Variants in TAOK1 observed in about 807,000 individuals in gnomAD.
The protein encoded by TAOK1 is TAO kinase 1, also known as serine/threonine-protein kinase TAO1.
In TAOK1, 21 loss-of-function variants were observed where a neutral mutation model predicts 138.3. The ratio of observed to expected loss-of-function variants is 0.15; its 90% CI spans 0.11 to 0.22. The LOEUF is 0.22. Ranked by LOEUF, TAOK1 falls within the 10% of genes least tolerant of loss-of-function variation. The probability of loss-of-function intolerance (pLI) is 1.00; values close to 1 mark genes in which losing one functional copy is unlikely to be tolerated. For missense variants in TAOK1, 651 were observed against 1,227.7 expected, an observed-to-expected ratio of 0.53 and a Z score of 7.02; for synonymous variants, 361 against 398.4, an observed-to-expected ratio of 0.91 and a Z score of 1.12.
intron 18 of TAOK1, 78 bp downstream of exon 18, chr17:29,530,697 A>C: frequency 8.3e-7 from 1 of 1,210,634 alleles, no homozygotes; most frequent in Non-Finnish European, 1.2e-6. Flanking sequence ...ACAGCAATTA[A>C]AGTACTAGTT....
At chr17:29,441,440 TGAAATTA>T (rs1248428356) in intron 1 of TAOK1, among the ~76,000 whole-genome samples, 1 of 152,234 alleles carries the variant, frequency 6.6e-6, no homozygotes, top group Non-Finnish European at 1.5e-5. Flanking sequence ...CTTTACTTGT[TGAAATTA>T]GATCTAGGTC....
At chr17:29,460,199 C>CT (rs1014362493) in intron 2 of TAOK1, among the ~76,000 whole-genome samples, 6 of 152,024 alleles carry the variant, frequency 3.9e-5, no homozygotes, top group Non-Finnish European at 8.8e-5. Context: ...TGTCAGTAGT[C>CT]TTTTTTTTCT....
intron 1 of TAOK1, among the ~76,000 whole-genome samples, chr17:29,450,650 TA>T (rs1234282541): frequency 6.6e-6 from 1 of 152,184 alleles, no homozygotes; most frequent in Non-Finnish European, 1.5e-5. Flanking sequence ...TAGCCAGGAC[TA>T]TAAGTGCATG....
chr17:29,427,916 A>G (rs1425264820), intron 1 of TAOK1, among the ~76,000 whole-genome samples: 1 of 115,676 alleles, frequency 8.6e-6, no homozygotes, highest in Non-Finnish European at 1.7e-5. Flanking sequence ...ACAGCGTGAG[A>G]CTCTGTCTCA....
At chr17:29,521,880 C>T (rs2031927006) in intron 16 of TAOK1, among the ~76,000 whole-genome samples, 1 of 152,216 alleles carries the variant, frequency 6.6e-6, no homozygotes, top group Admixed American at 6.5e-5. Flanking sequence ...CCGCGCCCAG[C>T]TGTGTCCGTG....
At chr17:29,459,255 G>GT (rs1475421714) in intron 2 of TAOK1, among the ~76,000 whole-genome samples, 4 of 151,816 alleles carry the variant, frequency 2.6e-5, no homozygotes, top group Non-Finnish European at 5.9e-5. Flanking sequence ...GCATACTGTT[G>GT]TTTTTTTCAA....
At chr17:29,512,859 T>C (rs1381530966) in intron 15 of TAOK1, 1 of 152,098 alleles carries the variant, frequency 6.6e-6, no homozygotes, top group Non-Finnish European at 1.5e-5. Context: ...ATTTTTTGTA[T>C]TTTTGGTAGA....
intron 1 of TAOK1, among the ~76,000 whole-genome samples, chr17:29,412,939 T>G (rs1413514283): frequency 2.0e-5 from 3 of 152,242 alleles, no homozygotes; most frequent in African/African-American, 7.2e-5. Flanking sequence ...TGAGGTTGTG[T>G]ACAAATTTGG....
At chr17:29,481,957 C>A (rs2031073976) in intron 7 of TAOK1, among the ~76,000 whole-genome samples, 1 of 151,920 alleles carries the variant, frequency 6.6e-6, no homozygotes, top group Non-Finnish European at 1.5e-5. Context: ...GAGACTCTGT[C>A]TCAAAAAAAT....
chr17:29,449,966 A>G (rs1376645930), intron 1 of TAOK1, among the ~76,000 whole-genome samples: 3 of 152,204 alleles, frequency 2.0e-5, no homozygotes, highest in African/African-American at 4.8e-5. Flanking sequence ...GTATTACTCT[A>G]TGCTTTCATT....
At chr17:29,437,183 C>T (rs1274244876) in intron 1 of TAOK1, among the ~76,000 whole-genome samples, 1 of 152,158 alleles carries the variant, frequency 6.6e-6, no homozygotes, top group African/African-American at 2.4e-5. Flanking sequence ...CCTGCCTCAG[C>T]CTCCCAACTA....
chr17:29,437,490 G>T (rs187078672), intron 1 of TAOK1, among the ~76,000 whole-genome samples: 21 of 152,094 alleles, frequency 1.4e-4, no homozygotes, highest in South Asian at 6.2e-4. Context: ...GAGCCACCAC[G>T]CCGGCCTATG....
chr17:29,495,519 A>G (rs1210845591), intron 10 of TAOK1, 41 bp from the exon 11 acceptor site: 1 of 1,519,452 alleles, frequency 6.6e-7, no homozygotes, highest in Non-Finnish European at 8.9e-7. Context: ...CTTGTCACTA[A>G]TTGAAAAAAA....
chr17:29,506,091 G>A (rs191333522), intron 13 of TAOK1, among the ~76,000 whole-genome samples: 19 of 152,288 alleles, frequency 1.2e-4, no homozygotes, highest in Admixed American at 1.2e-3. Flanking sequence ...ACTACCATAT[G>A]ATCCAGTAAT....
intron 1 of TAOK1, among the ~76,000 whole-genome samples, chr17:29,409,369 C>G (rs1164105280): frequency 8.1e-6 from 1 of 123,398 alleles, no homozygotes; most frequent in Non-Finnish European, 1.6e-5. Context: ...GAGTCTCACT[C>G]TGTTGCCCAG....
rs1190469719 is a variant in TAOK1, at chr17:29,542,868, T to C, written c.2852T>C (p.Met951Thr). 2 of 1,614,068 alleles carry C rather than the reference T, an allele frequency of 1.2e-6. No individual in the cohort carries two copies. The highest frequency in any genetic ancestry group is 1.7e-5 in the Admixed American group (1 of 60,008). The change falls in exon 20 of 20, where the codon ATG becomes ACG. Residue 951 changes from methionine (M) to threonine (T), a missense_variant. By Grantham distance (81) the Met-to-Thr change is moderately conservative. Coordinates refer to ENST00000261716, the MANE Select transcript of TAOK1 (RefSeq NM_020791.4). ...CCATGGGGTCACCCTTCAGGGCCAATGCAAGGGGTACCTCGAGGTAGCAGT... is the reference window on the plus strand; with the variant it reads ...CCATGGGGTCACCCTTCAGGGCCAACGCAAGGGGTACCTCGAGGTAGCAGT... Reference protein sequence around the residue: ...PQPWGHPSGPMQGVPRGSSMG... With the variant: ...PQPWGHPSGPTQGVPRGSSMG...
intron 1 of TAOK1, among the ~76,000 whole-genome samples, chr17:29,419,311 C>T (rs937183911): frequency 1.3e-5 from 2 of 151,888 alleles, no homozygotes; most frequent in Non-Finnish European, 2.9e-5. Flanking sequence ...ATTCTCCTGC[C>T]TCAGCCTCCC....
At chr17:29,510,016 T>C (rs887185509) in intron 14 of TAOK1, among the ~76,000 whole-genome samples, 4 of 151,566 alleles carry the variant, frequency 2.6e-5, no homozygotes, top group Non-Finnish European at 5.9e-5. Context: ...AATACCTACT[T>C]AATTATATAC....
chr17:29,402,381 G>C (rs186658513), intron 1 of TAOK1, among the ~76,000 whole-genome samples: 1 of 152,176 alleles, frequency 6.6e-6, no homozygotes, highest in East Asian at 1.9e-4. Flanking sequence ...ATGGCTCACT[G>C]TGCCTCTACT....
Sources: gnomAD v4.1 joint callset for allele counts (sites outside exome capture counted in the v4.1 genomes callset) on GRCh38, gnomAD v4.1.1 for gene constraint, MANE v1.5 for transcripts, NCBI Gene and HGNC (gene_info 2026-07-23, HGNC 2026-07-21) for gene names.